UAP1: variants seen among roughly 807,000 people sequenced by gnomAD.
UAP1 encodes UDP-N-acetylglucosamine pyrophosphorylase 1, also known as UDP-N-acetylhexosamine pyrophosphorylase.
Under a neutral mutation model 58.5 loss-of-function variants are expected in UAP1, and 25 were observed. That is an observed-to-expected ratio of 0.43 (90% confidence interval 0.31 to 0.60). The LOEUF (loss-of-function observed/expected upper bound fraction) is 0.60, where lower values mean the gene tolerates loss of function less well. Among genes scored for constraint, UAP1 ranks in the 20% least tolerant of loss-of-function variants. The pLI, the probability that UAP1 is intolerant of heterozygous loss-of-function variation, is 0.11. For missense variants in UAP1, 575 were observed against 630.0 expected (o/e 0.91, Z 0.93); for synonymous variants, 208 against 213.0 (o/e 0.98, Z 0.21).
chr1:162,582,233 CAGTG>C (rs1001459790), intron 5 of UAP1, among the ~76,000 whole-genome samples: 6 of 152,218 alleles, frequency 3.9e-5, no homozygotes, highest in African/African-American at 1.4e-4. Context: ...GTCAAAATCT[CAGTG>C]AGACTATTTT....
intron 5 of UAP1, 53 bp from the exon 6 acceptor site, chr1:162,587,422 C>T (rs1654959960): frequency 2.7e-6 from 4 of 1,494,794 alleles, no homozygotes; most frequent in Middle Eastern, 2.4e-4. Context: ...GGCAAATCTC[C>T]AAAGAAACAT....
At chr1:162,577,050 T>C (rs1220137135) in intron 3 of UAP1, 69 bp downstream of exon 3, 4 of 1,339,104 alleles carry the variant, frequency 3.0e-6, no homozygotes, top group African/African-American at 1.5e-5. Context: ...AATGCATATA[T>C]ACTTTATGCA....
At chr1:162,578,638 T>C (rs1205194581) in intron 3 of UAP1, among the ~76,000 whole-genome samples, 1 of 152,244 alleles carries the variant, frequency 6.6e-6, no homozygotes, top group Non-Finnish European at 1.5e-5. Flanking sequence ...TGCAGAGAAG[T>C]TTAGCCACTT....
intron 2 of UAP1, among the ~76,000 whole-genome samples, chr1:162,570,466 CT>C (rs907803128): frequency 5.9e-5 from 9 of 152,110 alleles, no homozygotes; most frequent in East Asian, 3.9e-4. Context: ...CTCTCTCCCT[CT>C]TTTTTTTCCC....
chr1:162,595,942 C>T (rs1470571088), intron 9 of UAP1, among the ~76,000 whole-genome samples: 1 of 152,104 alleles, frequency 6.6e-6, no homozygotes, highest in Non-Finnish European at 1.5e-5. Context: ...ACCTTCACCT[C>T]CTGGGCTCAA....
chr1:162,599,884 C>T (rs938995617), downstream of UAP1: 3 of 152,132 alleles, frequency 2.0e-5, no homozygotes, highest in African/African-American at 7.2e-5. Context: ...AAATATGAAA[C>T]TTGGGAGAAA....
chr1:162,578,499 G>A (rs1654352741), intron 3 of UAP1, among the ~76,000 whole-genome samples: 1 of 152,132 alleles, frequency 6.6e-6, no homozygotes, highest in Admixed American at 6.5e-5. Flanking sequence ...TGATGCCTGT[G>A]GGGAATTTGG....
intron 7 of UAP1, among the ~76,000 whole-genome samples, chr1:162,589,048 T>A (rs556332214): frequency 3.6e-5 from 5 of 138,608 alleles, no homozygotes; most frequent in South Asian, 2.2e-4. Flanking sequence ...TTTTTTTTTT[T>A]AAATCAACTA....
intron 1 of UAP1, among the ~76,000 whole-genome samples, chr1:162,565,571 A>G (rs1363708464): frequency 1.3e-5 from 2 of 152,246 alleles, no homozygotes; most frequent in African/African-American, 4.8e-5. Context: ...TAGAGATACA[A>G]GGAAAACATT....
At chr1:162,597,169 A>C (rs960367650) in intron 9 of UAP1, 5 of 152,242 alleles carry the variant, frequency 3.3e-5, no homozygotes, top group African/African-American at 1.2e-4. Context: ...TCTGCAGTGA[A>C]GGAAATGTTG....
chr1:162,601,221 A>C (rs1655881490), downstream of UAP1, among the ~76,000 whole-genome samples: 1 of 152,240 alleles, frequency 6.6e-6, no homozygotes, highest in Admixed American at 6.5e-5. Context: ...AAAAGCTAGA[A>C]TAATTTGGCA....
chr1:162,565,532 A>G (rs1476391340), intron 1 of UAP1, among the ~76,000 whole-genome samples: 2 of 152,218 alleles, frequency 1.3e-5, no homozygotes, highest in African/African-American at 4.8e-5. Context: ...TATACTGACT[A>G]CAACAACACA....
intron 1 of UAP1, among the ~76,000 whole-genome samples, chr1:162,564,887 A>AT (rs1282067649): frequency 6.6e-6 from 1 of 151,744 alleles, no homozygotes; most frequent in Non-Finnish European, 1.5e-5. Context: ...CTAATCTTTT[A>AT]TTTTTTTGAG....
chr1:162,581,845 C>A (rs1654606621), intron 5 of UAP1, among the ~76,000 whole-genome samples: 1 of 152,206 alleles, frequency 6.6e-6, no homozygotes, highest in East Asian at 1.9e-4. Flanking sequence ...TTTAGACTTC[C>A]TAAGTCAGGT....
At chr1:162,588,971 C>G (rs1407009001) in intron 7 of UAP1, 138 bp downstream of exon 7, 2 of 841,230 alleles carry the variant, frequency 2.4e-6, no homozygotes, top group African/African-American at 3.6e-5. Flanking sequence ...AGTATGTAGT[C>G]TAGATTCATT....
At chr1:162,597,488 G>T in intron 9 of UAP1, 1 of 281,960 alleles carries the variant, frequency 3.5e-6, no homozygotes, top group Non-Finnish European at 6.6e-6. Context: ...TTATCAAATT[G>T]AAACTTGGAA....
chr1:162,582,610 T>TA (rs1654656951), intron 5 of UAP1, among the ~76,000 whole-genome samples: 1 of 152,196 alleles, frequency 6.6e-6, no homozygotes, highest in South Asian at 2.1e-4. Flanking sequence ...GTTAAATATT[T>TA]AAAAATGAAA....
chr1:162,575,916 C>G (rs1186666468), intron 2 of UAP1, among the ~76,000 whole-genome samples: 1 of 152,154 alleles, frequency 6.6e-6, no homozygotes, highest in African/African-American at 2.4e-5. Flanking sequence ...CTCCTGACCT[C>G]AGGTGATCCA....
At position 162,590,379 on chromosome 1, in the gene UAP1, CT is replaced by C; in HGVS notation, c.1227del (p.Asp410IlefsTer16). On this transcript the variant is annotated frameshift_variant, in exon 8 of 11. Transcript: ENST00000271469. LOFTEE classifies it high-confidence loss of function. ...GATGAGTTTTCCCCACTAAAGAATG[CT>C]GATAGTCAGAATGGGAAAGACAACC... 6.2e-7 allele frequency: 1 copy of C among 1,613,402 alleles called. No homozygotes were observed. Among genetic ancestry groups the C allele is most frequent in the Non-Finnish European group, 8.5e-7 (1 of 1,179,642 alleles).
Sources: allele counts gnomAD v4.1 joint callset (sites outside exome capture counted in the v4.1 genomes callset), GRCh38; gene constraint gnomAD v4.1.1; transcripts MANE v1.5; gene names NCBI Gene and HGNC (gene_info 2026-07-23, HGNC 2026-07-21).